The following FAHD2B variants were observed in gnomAD, a reference collection of about 807,000 sequenced individuals.
The protein encoded by FAHD2B is fumarylacetoacetate hydrolase domain containing 2B, also known as oxaloacetate tautomerase FAHD2B, mitochondrial.
FAHD2B carries 26 observed loss-of-function variants against 33.7 expected under a neutral mutation model. That is an observed-to-expected ratio of 0.77 (90% CI 0.57 to 1.07). The LOEUF (loss-of-function observed/expected upper bound fraction) is 1.07, where lower values mean the gene tolerates loss of function less well. Ranked by LOEUF, FAHD2B falls within the 50% of genes least tolerant of loss-of-function variation. The pLI is 0.00. For missense variants in FAHD2B, 272 were observed against 388.1 expected (o/e 0.70, Z 2.51); for synonymous variants, 108 against 150.9 (o/e 0.72, Z 2.08).
chr2:97,083,769 T>C lies in FAHD2B; in HGVS notation c.931A>G (p.Asn311Asp). ...CEIEELGVIINKVV is the reference protein window; with the variant it reads ...CEIEELGVIIDKVV The stretch of plus-strand genomic sequence containing the variant: ...TGCAGGAGCCATCACACCACCTTGT[T>C]GATGATGACACCTAGTTCTTCAATC... Residue 311 changes from asparagine to aspartate, a missense_variant, in exon 9 of 9, where the codon AAC becomes GAC. By Grantham distance (23) the Asn-to-Asp change is conservative (BLOSUM62 1). Coordinates refer to ENST00000414820, the MANE Select transcript of FAHD2B (RefSeq NM_001320848.2). 6.2e-7 allele frequency: 1 copy of C among 1,614,106 alleles called. No homozygotes were observed. The highest frequency in any genetic ancestry group is 1.1e-5 in the South Asian group (1 of 91,050).
chr2:97,087,797 A>G (rs925446373), intron 4 of FAHD2B, among the ~76,000 whole-genome samples: 2 of 152,234 alleles, frequency 1.3e-5, no homozygotes, highest in Non-Finnish European at 2.9e-5. Context: ...GCAATAAGAT[A>G]GTTATGTGAT....
At chr2:97,086,089 C>T (rs752345821) in intron 5 of FAHD2B, 50 bp downstream of exon 5, 1 of 1,601,792 alleles carries the variant, frequency 6.2e-7, no homozygotes, top group Non-Finnish European at 8.5e-7. Flanking sequence ...GAGGCAGGAG[C>T]TGGGGCCTCT....
At chr2:97,093,547 T>C (rs746403719) in intron 1 of FAHD2B, among the ~76,000 whole-genome samples, 6 of 146,572 alleles carry the variant, frequency 4.1e-5, no homozygotes, top group African/African-American at 5.1e-5. Context: ...CAATCTTGGC[T>C]CACTGCAAGC....
chr2:97,083,205 C>T, downstream of FAHD2B: 1 of 1,608,844 alleles, frequency 6.2e-7, no homozygotes, highest in Non-Finnish European at 8.5e-7. Flanking sequence ...CTTTTGCCAG[C>T]CAGGACAATC....
intron 4 of FAHD2B, chr2:97,086,518 T>A (rs2032002060): frequency 2.9e-6 from 1 of 344,452 alleles, no homozygotes; most frequent in Admixed American, 4.2e-5. Context: ...CGAAGTAATA[T>A]CCCCTAGCAA....
chr2:97,086,133 C>A lies in FAHD2B; in HGVS notation c.522+6G>T. On this transcript the variant is annotated splice_donor_region_variant and intron_variant, in intron 5 of 8. Transcript: ENST00000414820. ...CTGGCCTGGGAGCCCACCCTTTCCACCTCACCTTGATGTGCTTGCCTTTCT... is the reference window on the plus strand; with the variant it reads ...CTGGCCTGGGAGCCCACCCTTTCCAACTCACCTTGATGTGCTTGCCTTTCT... 6.2e-7 allele frequency: 1 copy of A among 1,612,936 alleles called. No homozygotes were observed. Among genetic ancestry groups the A allele is most frequent in the Non-Finnish European group, 8.5e-7 (1 of 1,179,632 alleles).
At chr2:97,079,383 C>G (rs2031574555), downstream of FAHD2B, among the ~76,000 whole-genome samples, 1 of 152,002 alleles carries the variant, frequency 6.6e-6, no homozygotes, top group Non-Finnish European at 1.5e-5. Context: ...ATTTATATTC[C>G]CATCAACAGT....
intron 4 of FAHD2B, among the ~76,000 whole-genome samples, chr2:97,087,766 C>A (rs2032085714): frequency 6.6e-6 from 1 of 152,056 alleles, no homozygotes; most frequent in Non-Finnish European, 1.5e-5. Context: ...ACTACAGGAT[C>A]CTTGGATGAG....
At chr2:97,082,655 G>A, downstream of FAHD2B, 2 of 1,552,900 alleles carry the variant, frequency 1.3e-6, no homozygotes, top group African/African-American at 1.4e-5. Flanking sequence ...GTGCCCAGTG[G>A]CTCCCTGTCC....
At chr2:97,079,614 T>G (rs1430538413), downstream of FAHD2B, among the ~76,000 whole-genome samples, 2 of 151,948 alleles carry the variant, frequency 1.3e-5, no homozygotes, top group African/African-American at 2.4e-5. Flanking sequence ...CACTTTTTAG[T>G]GGGGTTGTTT....
At chr2:97,086,239 G>A (rs2031981560) in intron 4 of FAHD2B, 41 bp from the exon 5 acceptor site, 2 of 1,603,392 alleles carry the variant, frequency 1.2e-6, no homozygotes, top group Non-Finnish European at 1.7e-6. Flanking sequence ...AGTGGCTTCG[G>A]GGCCCATTAT....
chr2:97,092,690 C>A (rs1161343416), intron 1 of FAHD2B, among the ~76,000 whole-genome samples: 2 of 152,040 alleles, frequency 1.3e-5, no homozygotes, highest in African/African-American at 2.4e-5. Flanking sequence ...TCCACAAGGG[C>A]CAGACGCAGT....
chr2:97,083,902 G>A (rs1424398644), intron 8 of FAHD2B, 46 bp downstream of exon 8: 2 of 1,613,974 alleles, frequency 1.2e-6, no homozygotes, highest in Non-Finnish European at 1.7e-6. Flanking sequence ...AGCCAAGCCT[G>A]CCAGGCCTTT....
At chr2:97,086,990 T>C (rs1009234079) in intron 4 of FAHD2B, 12 of 152,022 alleles carry the variant, frequency 7.9e-5, no homozygotes, top group African/African-American at 2.9e-4. Context: ...TACAACCAAT[T>C]GAATAAAAAC....
chr2:97,091,493 G>A lies in FAHD2B; in HGVS notation c.214C>T (p.Gln72Ter). ...LPKTMTQFLE[Q>*]GEATLSVARR... ...GCCACTGAGAGGGTGGCCTCTCCCT[G>A]CTCTAGGAACTGCGTCATCGTCTTT... Residue 72 changes from glutamine (Q) to a stop codon, truncating the protein, a stop_gained, in exon 3 of 9, where the codon CAG (glutamine) becomes TAG (stop). Coordinates refer to ENST00000414820, the MANE Select transcript of FAHD2B (RefSeq NM_001320848.2). LOFTEE classifies it high-confidence loss of function. 6.2e-7 allele frequency: 1 copy of A among 1,613,146 alleles called. No homozygotes were observed. Among genetic ancestry groups the A allele is most frequent in the Non-Finnish European group, 8.5e-7 (1 of 1,179,804 alleles).
At chr2:97,078,752 T>G (rs1312306881), downstream of FAHD2B, among the ~76,000 whole-genome samples, 2 of 152,068 alleles carry the variant, frequency 1.3e-5, no homozygotes, top group Non-Finnish European at 2.9e-5. Context: ...TTGAAATACT[T>G]TTTTTTAAAC....
At chr2:97,090,010 A>C in intron 4 of FAHD2B, 99 bp downstream of exon 4, 1 of 1,523,356 alleles carries the variant, frequency 6.6e-7, no homozygotes, top group Non-Finnish European at 9.0e-7. Context: ...TGTTGAATGC[A>C]CTACTGAGCG....
At chr2:97,085,975 G>A in intron 5 of FAHD2B, 114 bp from the exon 6 acceptor site, 5 of 1,469,576 alleles carry the variant, frequency 3.4e-6, no homozygotes, top group Non-Finnish European at 3.7e-6. Flanking sequence ...GCCAGCCAAA[G>A]GTGGGTGAAG....
At chr2:97,086,330 G>C in intron 4 of FAHD2B, 132 bp from the exon 5 acceptor site, 2 of 1,281,526 alleles carry the variant, frequency 1.6e-6, no homozygotes, top group South Asian at 1.4e-5. Context: ...CCCTGAACCA[G>C]AGCCCAGTGA....
Sources: allele counts gnomAD v4.1 joint callset (sites outside exome capture counted in the v4.1 genomes callset), GRCh38; gene constraint gnomAD v4.1.1; transcripts MANE v1.5; gene names NCBI Gene and HGNC (gene_info 2026-07-23, HGNC 2026-07-21).